TEKT1: variants seen among roughly 807,000 people sequenced by gnomAD.
TEKT1 encodes the protein tektin-1.
In TEKT1, 32 loss-of-function variants were observed where a neutral mutation model predicts 34.8. The observed-to-expected ratio is 0.92, with a 90% CI of 0.69 to 1.23. The LOEUF (loss-of-function observed/expected upper bound fraction) is 1.23, where lower values mean the gene tolerates loss of function less well. Ranked by LOEUF, TEKT1 falls within the 50% of genes most tolerant of loss-of-function variation. The pLI, the probability that TEKT1 is intolerant of heterozygous loss-of-function variation, is 0.00. For synonymous variants in TEKT1, 207 were observed against 199.8 expected (o/e 1.04, Z -0.30); for missense variants, 492 against 518.5 (o/e 0.95, Z 0.50).
chr17:6,808,767 A>T (rs1179273031), intron 6 of TEKT1, among the ~76,000 whole-genome samples: 2 of 152,146 alleles, frequency 1.3e-5, no homozygotes, highest in Non-Finnish European at 2.9e-5. Context: ...CATAAGGCTA[A>T]AACAATTATT....
At chr17:6,812,279 C>T (rs1466809957) in intron 6 of TEKT1, among the ~76,000 whole-genome samples, 1 of 152,074 alleles carries the variant, frequency 6.6e-6, no homozygotes, top group African/African-American at 2.4e-5. Context: ...TTATAAATTA[C>T]CCAGTCTTGG....
intron 5 of TEKT1, 54 bp downstream of exon 5, chr17:6,815,109 T>C: frequency 7.7e-6 from 12 of 1,564,536 alleles, no homozygotes; most frequent in Non-Finnish European, 1.0e-5. Context: ...AGGTCTTGCC[T>C]ATCTGAGAAG....
At chr17:6,815,141 G>A in intron 5 of TEKT1, 22 bp downstream of exon 5, 1 of 1,596,090 alleles carries the variant, frequency 6.3e-7, no homozygotes, top group East Asian at 2.2e-5. Flanking sequence ...CCGCGAGGAG[G>A]AAGACGGCAA....
Position 6,799,725 on chromosome 17 carries a change from C to T in TEKT1, c.*302G>A, listed in dbSNP as rs569904271. The T allele has an allele frequency of 3.9e-6, 1 of 254,540 alleles. No individual in the cohort carries two copies. The highest frequency in any genetic ancestry group is 2.2e-5 in the African/African-American group (1 of 44,980). The allele number at this position is 254,540 out of a possible 1,614,324, so 15.8% of individuals were successfully genotyped here. Reference sequence around the variant, plus strand: ...CATGGTCTACACAGGTGATCCAGCCCAACTACTTTATTGAATTGAATCTGA... The same window carrying T: ...CATGGTCTACACAGGTGATCCAGCCTAACTACTTTATTGAATTGAATCTGA... On this transcript the variant is annotated 3_prime_UTR_variant, in exon 8 of 8. Coordinates refer to ENST00000338694, the MANE Select transcript of TEKT1 (RefSeq NM_053285.2).
intron 5 of TEKT1, 53 bp downstream of exon 5, chr17:6,815,110 A>G (rs55935995): frequency 0.093 from 145,925 of 1,564,708 alleles, 7,580 homozygotes; most frequent in Middle Eastern, 0.2. Context: ...GGTCTTGCCT[A>G]TCTGAGAAGC....
intron 2 of TEKT1, among the ~76,000 whole-genome samples, chr17:6,824,566 G>A (rs1312080921): frequency 6.6e-6 from 1 of 151,976 alleles, no homozygotes; most frequent in African/African-American, 2.4e-5. Flanking sequence ...ACATATTATC[G>A]AGCACCTTTT....
At chr17:6,809,122 C>T (rs1393595245) in intron 6 of TEKT1, among the ~76,000 whole-genome samples, 2 of 152,150 alleles carry the variant, frequency 1.3e-5, no homozygotes, top group Non-Finnish European at 2.9e-5. Flanking sequence ...GTGTGGTACA[C>T]TTGTTATTAA....
intron 6 of TEKT1, among the ~76,000 whole-genome samples, chr17:6,803,310 G>GT (rs1429553662): frequency 2.6e-5 from 4 of 152,022 alleles, no homozygotes; most frequent in African/African-American, 9.7e-5. Context: ...GGGGTTGTTT[G>GT]TTTTTTTCTT....
At chr17:6,807,026 T>C (rs1976854458) in intron 6 of TEKT1, among the ~76,000 whole-genome samples, 1 of 152,346 alleles carries the variant, frequency 6.6e-6, no homozygotes, top group Non-Finnish European at 1.5e-5. Flanking sequence ...CCTTGCTAGA[T>C]TGGGGAAGTT....
intron 2 of TEKT1, among the ~76,000 whole-genome samples, chr17:6,819,568 C>A (rs1378520203): frequency 6.6e-6 from 1 of 152,202 alleles, no homozygotes; most frequent in Admixed American, 6.5e-5. Context: ...TCAGATTTAT[C>A]ATTCTACACC....
At position 6,811,208 on chromosome 17, in the gene TEKT1, T is replaced by C. The variant is rs1976922722; in HGVS notation, c.852+1623A>G. ...AGTTCTTATTCCACCAGGAAGTCTCTGGATTATTCCTTGGCTATCATCATC... is the reference window on the plus strand; with the variant it reads ...AGTTCTTATTCCACCAGGAAGTCTCCGGATTATTCCTTGGCTATCATCATC... On this transcript the variant is annotated intron_variant, in intron 6 of 7. Coordinates refer to ENST00000338694, the MANE Select transcript of TEKT1 (RefSeq NM_053285.2). This position sits in a 1 kb window ranked among gnomAD's most constrained non-coding sequence, Gnocchi z 4.4. 6.6e-6 allele frequency among the ~76,000 whole-genome samples: 1 copy of C among 152,166 alleles called. No homozygotes were observed. Among genetic ancestry groups the C allele is most frequent in the Non-Finnish European group, 1.5e-5 (1 of 68,028 alleles).
intron 7 of TEKT1, among the ~76,000 whole-genome samples, chr17:6,800,496 T>C (rs1373405606): frequency 1.3e-5 from 2 of 152,258 alleles, no homozygotes; most frequent in Non-Finnish European, 2.9e-5. Context: ...GAAATGCTGA[T>C]GTTTAAAACT....
chr17:6,827,789 C>T (rs1390118039), intron 2 of TEKT1, among the ~76,000 whole-genome samples: 1 of 152,044 alleles, frequency 6.6e-6, no homozygotes, highest in Non-Finnish European at 1.5e-5. Flanking sequence ...TTTTTCAGTG[C>T]AAAACACTTG....
In TEKT1 at chr17:6,800,004, G is replaced by A. The variant is rs200487974; in HGVS notation, c.*23C>T. On this transcript the variant is annotated 3_prime_UTR_variant, in exon 8 of 8. Coordinates refer to ENST00000338694, the MANE Select transcript of TEKT1 (RefSeq NM_053285.2). ...ACTACTGTTTACAATGTGGTTTAAT[G>A]AGAATTGGAACTAGCCCTACTATTA... 24 of 1,591,636 alleles carry A rather than the reference G, an allele frequency of 1.5e-5. No individual in the cohort carries two copies. Among genetic ancestry groups the A allele is most frequent in the African/African-American group, 1.1e-4 (8 of 74,776 alleles).
intron 6 of TEKT1, among the ~76,000 whole-genome samples, chr17:6,805,916 T>C (rs1364893779): frequency 6.6e-6 from 1 of 152,186 alleles, no homozygotes; most frequent in African/African-American, 2.4e-5. Context: ...ATAAGTGCGG[T>C]GTGGTGCTGA....
chr17:6,828,101 T>C (rs1904463114), intron 2 of TEKT1, among the ~76,000 whole-genome samples: 1 of 151,956 alleles, frequency 6.6e-6, no homozygotes, highest in Non-Finnish European at 1.5e-5. Context: ...CATGCCACCA[T>C]GCCCCACTAA....
chr17:6,827,304 C>G (rs950191155), intron 2 of TEKT1, among the ~76,000 whole-genome samples: 3 of 149,212 alleles, frequency 2.0e-5, no homozygotes, highest in African/African-American at 7.5e-5. Flanking sequence ...TCTTGTCGCC[C>G]GGGCTGGAGT....
intron 2 of TEKT1, among the ~76,000 whole-genome samples, chr17:6,827,342 A>G (rs899456222): frequency 6.7e-5 from 10 of 148,682 alleles, no homozygotes; most frequent in Non-Finnish European, 1.3e-4. Context: ...GCTCACTGCA[A>G]CCTCCGCCTC....
At chr17:6,819,502 C>T (rs1977057477) in intron 2 of TEKT1, 144 bp from the exon 3 acceptor site, 4 of 770,842 alleles carry the variant, frequency 5.2e-6, no homozygotes, top group Non-Finnish European at 7.7e-6. Context: ...ATCTTTTCAT[C>T]TTTTTAAATG....
Sources: allele counts gnomAD v4.1 joint callset (sites outside exome capture counted in the v4.1 genomes callset), GRCh38; gene constraint gnomAD v4.1.1; non-coding constraint Gnocchi (gnomAD v3.1); transcripts MANE v1.5; gene names NCBI Gene and HGNC (gene_info 2026-07-23, HGNC 2026-07-21).